Variants in SRPK1 observed in about 807,000 individuals in gnomAD.
SRPK1 encodes SFRS protein kinase 1.
SRPK1 carries 52 observed loss-of-function variants against 89.5 expected under a neutral mutation model. The ratio of observed to expected loss-of-function variants is 0.58; its 90% CI spans 0.46 to 0.73. The LOEUF (loss-of-function observed/expected upper bound fraction) is 0.73, where lower values mean the gene tolerates loss of function less well. Among genes scored for constraint, SRPK1 ranks in the 30% least tolerant of loss-of-function variants. The pLI is 0.00. For synonymous variants in SRPK1, 255 were observed against 270.2 expected (o/e 0.94, Z 0.55); for missense variants, 603 against 780.6 (o/e 0.77, Z 2.71).
intron 2 of SRPK1, among the ~76,000 whole-genome samples, chr6:35,913,967 C>CTCTTTTTTT (rs1771033558): frequency 8.8e-6 from 1 of 113,676 alleles, no homozygotes; most frequent in African/African-American, 3.4e-5. Flanking sequence ...AGGATACTTT[C>CTCTTTTTTT]TCTTTTTTTT....
chr6:35,862,885 C>T (rs9462139), intron 12 of SRPK1, among the ~76,000 whole-genome samples: 3,160 of 152,208 alleles, frequency 0.021, 119 homozygotes, highest in African/African-American at 0.072. Context: ...TTCACTGAAG[C>T]AGGGCACAGT....
chr6:35,838,757 T>C, intron 14 of SRPK1: 1 of 1,395,940 alleles, frequency 7.2e-7, no homozygotes, highest in Non-Finnish European at 9.6e-7. Context: ...GAAAAGCGTC[T>C]TGGAATTCTG....
chr6:35,920,171 C>T (rs548678856), intron 2 of SRPK1: 3 of 538,338 alleles, frequency 5.6e-6, no homozygotes, highest in South Asian at 1.5e-5. Context: ...GAGGTCCAAG[C>T]TAGGGGAGTT....
intron 8 of SRPK1, 46 bp from the exon 9 acceptor site, chr6:35,871,005 CAAT>C: frequency 6.5e-7 from 1 of 1,548,904 alleles, no homozygotes; most frequent in Non-Finnish European, 8.9e-7. Context: ...ATTCATCAGG[CAAT>C]ATAAACTAAG....
chr6:35,897,959 T>C (rs144710144), intron 2 of SRPK1, among the ~76,000 whole-genome samples: 183 of 152,374 alleles, frequency 1.2e-3, no homozygotes, highest in Middle Eastern at 0.01. Context: ...AATTTGTTCA[T>C]GTAAGGTAAA....
intron 6 of SRPK1, among the ~76,000 whole-genome samples, chr6:35,877,846 A>G (rs530041156): frequency 6.6e-6 from 1 of 152,074 alleles, no homozygotes; most frequent in South Asian, 2.1e-4. Context: ...CCGTCTCAAA[A>G]AAAAAAAAAA....
In SRPK1 at chr6:35,872,573, G is replaced by A. The variant is rs202094315; in HGVS notation, c.741C>T (p.Ser247=). 3.8e-5 allele frequency: 61 copies of A among 1,599,256 alleles called. No homozygotes were observed. The Middle Eastern group carries it at 5.0e-4, about 13-fold the overall frequency. Reference sequence around the variant, plus strand: ...TAAAAGAAAATACACCTGCAGATCCGGAAGGCGGAGGAGCTCCAGATCGCT... The same window carrying A: ...TAAAAGAAAATACACCTGCAGATCCAGAAGGCGGAGGAGCTCCAGATCGCT... ...EWQRSGAPPP[S]GSAVSTAPQP... The change falls in exon 8 of 16, where the codon TCC becomes TCT. Residue 247 remains serine (S), a synonymous_variant. Coordinates refer to ENST00000373825, the MANE Select transcript of SRPK1 (RefSeq NM_003137.5).
intron 6 of SRPK1, among the ~76,000 whole-genome samples, chr6:35,882,572 G>A (rs990057809): frequency 6.6e-6 from 1 of 151,986 alleles, no homozygotes; most frequent in Admixed American, 6.6e-5. Context: ...TGGGATTATA[G>A]GCATGAGCCA....
chr6:35,858,310 C>A (rs1300278121), intron 12 of SRPK1, among the ~76,000 whole-genome samples: 2 of 151,830 alleles, frequency 1.3e-5, no homozygotes, highest in Admixed American at 1.3e-4. Context: ...TCTGAAAGAT[C>A]ATTCTTTTTA....
chr6:35,876,200 C>G (rs1770155374), intron 6 of SRPK1, among the ~76,000 whole-genome samples: 1 of 150,324 alleles, frequency 6.7e-6, no homozygotes, highest in Non-Finnish European at 1.5e-5. Flanking sequence ...GCATCTCAAA[C>G]TAATAAATGA....
chr6:35,865,342 TA>T (rs199680597), intron 12 of SRPK1, among the ~76,000 whole-genome samples: 2 of 151,988 alleles, frequency 1.3e-5, no homozygotes, highest in African/African-American at 2.4e-5. Flanking sequence ...AATTAAAAAT[TA>T]AAAAAAATTT....
intron 13 of SRPK1, among the ~76,000 whole-genome samples, chr6:35,846,507 C>T (rs1468883057): frequency 2.0e-5 from 3 of 149,434 alleles, no homozygotes; most frequent in Non-Finnish European, 3.0e-5. Context: ...CGAGATTGTA[C>T]TACTGCACTC....
At chr6:35,877,321 G>C (rs1268576775) in intron 6 of SRPK1, among the ~76,000 whole-genome samples, 1 of 152,126 alleles carries the variant, frequency 6.6e-6, no homozygotes, top group African/African-American at 2.4e-5. Context: ...CCCAGAACAA[G>C]GCTCAAGAAG....
chr6:35,920,541 G>GGGAT lies in SRPK1; in HGVS notation c.14-17_14-14dup. On this transcript the variant is annotated splice_polypyrimidine_tract_variant and intron_variant, in intron 1 of 15. Transcript: ENST00000373825. ...TGGAGCGCAAGCACTGCAGGAGAGA[G>GGGAT]GGATGGATGAAGGGCGAATGTGGAG... The GGGAT allele has an allele frequency of 6.2e-7, 1 of 1,612,592 alleles. No homozygotes were observed. The highest frequency in any genetic ancestry group is 8.5e-7 in the Non-Finnish European group (1 of 1,179,076).
intron 6 of SRPK1, among the ~76,000 whole-genome samples, chr6:35,883,420 TA>T (rs1379738216): frequency 2.0e-5 from 3 of 151,470 alleles, no homozygotes; most frequent in Non-Finnish European, 4.4e-5. Flanking sequence ...AGCAATTAAA[TA>T]AAAAAAATTA....
rs528702676 is a variant in SRPK1 at position 35,888,414 on chromosome 6, T to C, written c.303-303A>G. On this transcript the variant is annotated intron_variant, in intron 4 of 15. Transcript: ENST00000373825. Reference sequence around the variant, plus strand: ...AGCAAAACTGCAAAATGAGGATAAATAAGGGGAAAGATATTACCAAATTCC... The same window carrying C: ...AGCAAAACTGCAAAATGAGGATAAACAAGGGGAAAGATATTACCAAATTCC... 1.6e-4 allele frequency among the ~76,000 whole-genome samples: 24 copies of C among 152,252 alleles called. No individual in the cohort carries two copies. In the South Asian group the frequency reaches 4.6e-3, roughly 29 times the overall value.
At chr6:35,896,214 G>T (rs368543614) in intron 2 of SRPK1, among the ~76,000 whole-genome samples, 2 of 152,112 alleles carry the variant, frequency 1.3e-5, no homozygotes, top group Non-Finnish European at 2.9e-5. Context: ...CCCTCAATCC[G>T]TGGGGTCTCC....
At chr6:35,858,598 G>A (rs1769714893) in intron 12 of SRPK1, among the ~76,000 whole-genome samples, 1 of 152,118 alleles carries the variant, frequency 6.6e-6, no homozygotes, top group Non-Finnish European at 1.5e-5. Flanking sequence ...TTCTAACCTA[G>A]AATTCTCTAC....
intron 2 of SRPK1, among the ~76,000 whole-genome samples, chr6:35,902,232 C>CAAAAA (rs58763282): frequency 4.8e-5 from 4 of 83,554 alleles, no homozygotes; most frequent in African/African-American, 9.2e-5. Flanking sequence ...TCCGTCTCTA[C>CAAAAA]AAAAAAAAAA....
Sources: allele counts gnomAD v4.1 joint callset (sites outside exome capture counted in the v4.1 genomes callset), GRCh38; gene constraint gnomAD v4.1.1; transcripts MANE v1.5; gene names NCBI Gene and HGNC (gene_info 2026-07-23, HGNC 2026-07-21).